The following KLRC2 variants were observed in gnomAD, a reference collection of about 807,000 sequenced individuals.
The protein encoded by KLRC2 is killer cell lectin like receptor C2.
KLRC2 carries 10 observed loss-of-function variants against 25.5 expected under a neutral mutation model. The observed-to-expected ratio is 0.39, with a 90% CI of 0.24 to 0.67. The LOEUF (loss-of-function observed/expected upper bound fraction) is 0.67. Among genes scored for constraint, KLRC2 ranks in the 30% least tolerant of loss-of-function variants. The pLI, the probability that KLRC2 is intolerant of heterozygous loss-of-function variation, is 0.45. For synonymous variants in KLRC2, 48 were observed against 93.3 expected (o/e 0.51, Z 2.80); for missense variants, 170 against 272.8 (o/e 0.62, Z 2.65).
intron 5 of KLRC2, among the ~76,000 whole-genome samples, 156 bp downstream of exon 5, chr12:10,431,950 A>T (rs552412254): frequency 5.7e-5 from 8 of 141,240 alleles, no homozygotes; most frequent in Admixed American, 5.6e-4. Context: ...AAATATATGG[A>T]CTACTATGGT....
chr12:10,431,143 T>A lies in KLRC2; in HGVS notation c.670A>T (p.Ile224Leu), dbSNP rs769863494. ...TAAAGCTTATGCTTACAATGATATA[T>A]CATTGAAGATCCACACTGGGCTGAT... ...LKSAQCGSSM[I>L]YHCKHKL The change falls in exon 6 of 6, where the codon ATA becomes TTA. Residue 224 changes from isoleucine (I) to leucine (L), a missense_variant. Ile to Leu is a conservative substitution (Grantham distance 5). This residue lies in a region of KLRC2 where 129 missense variants were observed against 150.2 expected (regional missense o/e 0.86). Coordinates refer to ENST00000381902, the MANE Select transcript of KLRC2 (RefSeq NM_002260.4). 6.5e-7 allele frequency: 1 copy of A among 1,540,774 alleles called. No homozygotes were observed. Among genetic ancestry groups the A allele is most frequent in the Admixed American group, 1.7e-5 (1 of 58,488 alleles).
chr12:10,434,655 A>G lies in KLRC2; in HGVS notation c.287-125T>C. ...ATGGGGAGAATCTTTAATAAAATTA[A>G]CTTTTTCTATAAAAATATATAAAGT... On this transcript the variant is annotated intron_variant, in intron 2 of 5. Transcript: ENST00000381902. The G allele has an allele frequency of 8.5e-6, 5 of 588,086 alleles. No homozygotes were observed. In the South Asian group the frequency reaches 1.2e-4, roughly 14 times the overall value. 36.4% of individuals were successfully genotyped at this position (588,086 alleles called of 1,614,324 possible). A position where few individuals can be genotyped will look rare whatever the true frequency, so the allele number is the denominator to read the frequency against.
rs146888496 is a variant in KLRC2 at position 10,431,167 on chromosome 12, A to T, written c.646T>A (p.Ser216Thr). The T allele has an allele frequency of 1.0e-4, 160 of 1,548,764 alleles. 20 individuals are homozygous for T. Among genetic ancestry groups the T allele is most frequent in the Non-Finnish European group, 1.2e-4 (138 of 1,134,702 alleles). The part of the protein sequence containing the change: ...CAVLQVNRLK[S>T]AQCGSSMIYH... ...ATCATTGAAGATCCACACTGGGCTG[A>T]TTTAAGTCGATTTACTTGTAGCACT... Residue 216 changes from serine (S) to threonine (T), a missense_variant, in exon 6 of 6, where the codon TCA becomes ACA. Coordinates refer to ENST00000381902, the MANE Select transcript of KLRC2 (RefSeq NM_002260.4).
At chr12:10,435,672 G>A in intron 1 of KLRC2, 128 bp downstream of exon 1, 3 of 1,147,480 alleles carry the variant, frequency 2.6e-6, no homozygotes, top group Non-Finnish European at 3.6e-6. Flanking sequence ...TTTCATATTA[G>A]AATTTTAGAT....
rs1312181325 is a variant in KLRC2, at chr12:10,433,776, A to C, written c.483+15T>G. Reference sequence around the variant, plus strand: ...GGAAGCTTTTCATAAAATGTTTGAAACATTTACATCTTACCATTTCTTCTT... The same window carrying C: ...GGAAGCTTTTCATAAAATGTTTGAACCATTTACATCTTACCATTTCTTCTT... On this transcript the variant is annotated intron_variant, in intron 4 of 5. Coordinates refer to ENST00000381902, the MANE Select transcript of KLRC2 (RefSeq NM_002260.4). 1 of 1,545,760 alleles carries C rather than the reference A, an allele frequency of 6.5e-7. No homozygotes were observed. Among genetic ancestry groups the C allele is most frequent in the Non-Finnish European group, 8.8e-7 (1 of 1,133,276 alleles).
At position 10,432,184 on chromosome 12, in the gene KLRC2, G is replaced by A. The variant is rs761194528; in HGVS notation, c.506C>T (p.Pro169Leu). 2 of 1,468,326 alleles carry A rather than the reference G, an allele frequency of 1.4e-6. No homozygotes were observed. Among genetic ancestry groups the A allele is most frequent in the East Asian group, 2.4e-5 (1 of 40,932 alleles). 91.0% of individuals were successfully genotyped at this position (1,468,326 alleles called of 1,614,324 possible). The change falls in exon 5 of 6, where the codon CCT becomes CTT. Residue 169 changes from proline to leucine, a missense_variant. Around this residue, in one of 3 missense-constraint regions of KLRC2, gnomAD observed 129 missense variants for 150.2 expected, o/e 0.86. Transcript: ENST00000381902. Reference sequence around the variant, plus strand: ...ACGAAACACACCAATCCATGAGGAAGGTAAAATGCTGGCCAGAAATTTCTA... The same window carrying A: ...ACGAAACACACCAATCCATGAGGAAAGTAAAATGCTGGCCAGAAATTTCTA... ...EEMKFLASIL[P>L]SSWIGVFRNS...
rs775587891 is a variant in KLRC2 at position 10,431,239 on chromosome 12, G to T, written c.585-11C>A. On this transcript the variant is annotated splice_polypyrimidine_tract_variant and intron_variant, in intron 5 of 5. Transcript: ENST00000381902. ...TCTGAGTCTTTTATCCTGTAATGGA[G>T]AAAAATCCATTTTCTGTTACATTTT... is the stretch of plus-strand genomic sequence containing the variant. 1.3e-6 allele frequency: 2 copies of T among 1,526,004 alleles called. No individual in the cohort carries two copies. The highest frequency in any genetic ancestry group is 1.7e-5 in the Admixed American group (1 of 58,488). 94.5% of individuals were successfully genotyped at this position (1,526,004 alleles called of 1,614,324 possible).
At chr12:10,433,593 T>C (rs557509580) in intron 4 of KLRC2, among the ~76,000 whole-genome samples, 198 bp downstream of exon 4, 1 of 142,306 alleles carries the variant, frequency 7.0e-6, no homozygotes, top group Non-Finnish European at 1.5e-5. Flanking sequence ...ATGGTTTTCC[T>C]TGAAAAACAA....
chr12:10,433,873 T>C lies in KLRC2; in HGVS notation c.401A>G (p.Glu134Gly), dbSNP rs1863841169. ...CAAACTCTCTTCCCAAGTTCTTCTT[T>C]CCTTACCAATGTAATAACAACTGTT... ...YSNSCYYIGK[E>G]RRTWEESLLA... Residue 134 changes from glutamate (E) to glycine (G), a missense_variant, in exon 4 of 6, where the codon GAA becomes GGA. By Grantham distance (98) the Glu-to-Gly change is moderately conservative (BLOSUM62 -2). This residue lies in a region of KLRC2 where 129 missense variants were observed against 150.2 expected (regional missense o/e 0.86). Coordinates refer to ENST00000381902, the MANE Select transcript of KLRC2 (RefSeq NM_002260.4). 1 of 1,550,700 alleles carries C rather than the reference T, an allele frequency of 6.4e-7. No homozygotes were observed. Among genetic ancestry groups the C allele is most frequent in the Admixed American group, 1.7e-5 (1 of 58,574 alleles).
chr12:10,433,681 C>T, intron 4 of KLRC2, 110 bp downstream of exon 4: 2 of 1,156,884 alleles, frequency 1.7e-6, no homozygotes, highest in Non-Finnish European at 2.4e-6. Context: ...ATTACATACA[C>T]TTGAAAATAT....
intron 3 of KLRC2, chr12:10,434,272 TG>T: frequency 1.7e-6 from 1 of 583,350 alleles, no homozygotes; most frequent in Non-Finnish European, 3.2e-6. Context: ...AGGAAACCTC[TG>T]TTAATTGGGA....
At chr12:10,433,565 C>G (rs1229710278) in intron 4 of KLRC2, among the ~76,000 whole-genome samples, 3 of 141,698 alleles carry the variant, frequency 2.1e-5, no homozygotes, top group African/African-American at 5.4e-5. Flanking sequence ...ATTGTGGATT[C>G]AAAGCACTTA....
intron 1 of KLRC2, 75 bp downstream of exon 1, chr12:10,435,725 T>C: frequency 7.0e-7 from 1 of 1,431,676 alleles, no homozygotes; most frequent in South Asian, 1.2e-5. Context: ...AAATATTCCC[T>C]AATCTTTCCT....
chr12:10,431,000 G>T lies in KLRC2; in HGVS notation c.*117C>A, dbSNP rs138201994. On this transcript the variant is annotated 3_prime_UTR_variant, in exon 6 of 6. Transcript: ENST00000381902. ...GCATCCTATTTCAATAATTGATTTA[G>T]AATTTTTGTATCAGAGCAAATAACA... 7.1e-5 allele frequency: 83 copies of T among 1,169,302 alleles called. 8 individuals are homozygous for T. The highest frequency in any genetic ancestry group is 8.5e-5 in the Non-Finnish European group (74 of 871,660). The allele number at this position is 1,169,302 out of a possible 1,614,324, so 72.4% of individuals were successfully genotyped here.
Position 10,432,086 on chromosome 12 carries a change from C to T in KLRC2, c.584+20G>A, listed in dbSNP as rs750137982. ...TCCTTTATATATATTTTTTATATAGCGCCATACAAAAGAACTTACTTATGT... is the reference window on the plus strand; with the variant it reads ...TCCTTTATATATATTTTTTATATAGTGCCATACAAAAGAACTTACTTATGT... On this transcript the variant is annotated intron_variant, in intron 5 of 5. Coordinates refer to ENST00000381902, the MANE Select transcript of KLRC2 (RefSeq NM_002260.4). 2.1e-5 allele frequency: 31 copies of T among 1,449,258 alleles called. 3 individuals carry two copies. The highest frequency in any genetic ancestry group is 6.0e-5 in the South Asian group (5 of 83,820). 89.8% of individuals were successfully genotyped at this position (1,449,258 alleles called of 1,614,324 possible).
At position 10,435,713 on chromosome 12, in the gene KLRC2, C is replaced by T. The variant is rs113784967; in HGVS notation, c.187+87G>A. 47 of 1,381,582 alleles carry T rather than the reference C, an allele frequency of 3.4e-5. 4 individuals are homozygous for T. The highest frequency in any genetic ancestry group is 3.9e-4 in the Middle Eastern group (2 of 5,114). 85.6% of individuals were successfully genotyped at this position (1,381,582 alleles called of 1,614,324 possible). A position where few individuals can be genotyped will look rare whatever the true frequency, so the allele number is the denominator to read the frequency against. On this transcript the variant is annotated intron_variant, in intron 1 of 5. Coordinates refer to ENST00000381902, the MANE Select transcript of KLRC2 (RefSeq NM_002260.4). ...TTATGAACTCCGATTCTCACAAGTG[C>T]AAAATATTCCCTAATCTTTCCTCAC...
chr12:10,434,823 A>C (rs1178124442), intron 2 of KLRC2, among the ~76,000 whole-genome samples: 7 of 151,886 alleles, frequency 4.6e-5, no homozygotes, highest in Admixed American at 4.6e-4. Context: ...TTATGAAATC[A>C]GAAAATATCT....
chr12:10,431,295 T>G, intron 5 of KLRC2, 67 bp from the exon 6 acceptor site: 1 of 1,488,928 alleles, frequency 6.7e-7, no homozygotes, highest in South Asian at 1.1e-5. Context: ...GAAAGCATTT[T>G]CCATGTACTG....
chr12:10,431,238 A>C lies in KLRC2; in HGVS notation c.585-10T>G. On this transcript the variant is annotated splice_polypyrimidine_tract_variant and intron_variant, in intron 5 of 5. Transcript: ENST00000381902. Reference sequence around the variant, plus strand: ...ATCTGAGTCTTTTATCCTGTAATGGAGAAAAATCCATTTTCTGTTACATTT... The same window carrying C: ...ATCTGAGTCTTTTATCCTGTAATGGCGAAAAATCCATTTTCTGTTACATTT... 2 of 1,528,528 alleles carry C rather than the reference A, an allele frequency of 1.3e-6. 1 individual carries two copies. The highest frequency in any genetic ancestry group is 1.8e-6 in the Non-Finnish European group (2 of 1,117,110). The allele number at this position is 1,528,528 out of a possible 1,614,324, so 94.7% of individuals were successfully genotyped here.
Sources: gnomAD v4.1 joint callset for allele counts (sites outside exome capture counted in the v4.1 genomes callset) on GRCh38, gnomAD v4.1.1 for gene constraint, gnomAD v4.1.1 regional missense constraint, MANE v1.5 for transcripts, NCBI Gene and HGNC (gene_info 2026-07-23, HGNC 2026-07-21) for gene names.